Variants in IL16 observed in about 807,000 individuals in gnomAD.
The protein encoded by IL16 is interleukin 16, also known as pro-interleukin-16.
Under a neutral mutation model 110.1 loss-of-function variants are expected in IL16, and 67 were observed. That is an observed-to-expected ratio of 0.61 (90% CI 0.50 to 0.75). IL16 has a LOEUF of 0.75. IL16 is among the 30% of genes least tolerant of loss of function. IL16 has a pLI of 0.00. For synonymous variants in IL16, 689 were observed against 662.9 expected (o/e 1.04, Z -0.61); for missense variants, 1,545 against 1,655.0 (o/e 0.93, Z 1.15).
chr15:81,268,703 T>C lies in IL16; in HGVS notation c.565-835T>C, dbSNP rs1212515068. 2.6e-5 allele frequency among the ~76,000 whole-genome samples: 4 copies of C among 152,378 alleles called. No homozygotes were observed. In the East Asian group the frequency reaches 7.7e-4, roughly 29 times the overall value. On this transcript the variant is annotated intron_variant, in intron 4 of 18. Coordinates refer to ENST00000683961, the MANE Select transcript of IL16 (RefSeq NM_172217.5). ...CCCCAGACTCTTTCCAAATATTAAA[T>C]GCTGAAAGTAGCAAACAGTCTTAGA... is the stretch of plus-strand genomic sequence containing the variant.
intron 2 of IL16, among the ~76,000 whole-genome samples, chr15:81,245,724 C>CTTTTTTTTTGTT (rs1897518568): frequency 1.6e-5 from 1 of 61,282 alleles, no homozygotes; most frequent in Non-Finnish European, 3.0e-5. Context: ...TTTGTTTTGG[C>CTTTTTTTTTGTT]TTTTTTTTTT....
chr15:81,258,710 T>C (rs187714752), intron 2 of IL16, among the ~76,000 whole-genome samples: 2 of 151,568 alleles, frequency 1.3e-5, no homozygotes, highest in Admixed American at 1.3e-4. Flanking sequence ...ACCTGCTCTC[T>C]CTCTGTCACT....
At chr15:81,276,314 G>T (rs1018494899) in intron 6 of IL16, among the ~76,000 whole-genome samples, 1 of 152,172 alleles carries the variant, frequency 6.6e-6, no homozygotes, top group Non-Finnish European at 1.5e-5. Flanking sequence ...AAATAAAGAC[G>T]TGGAAATGCC....
intron 3 of IL16, among the ~76,000 whole-genome samples, chr15:81,263,625 G>A (rs995366576): frequency 6.6e-6 from 1 of 152,210 alleles, no homozygotes; most frequent in African/African-American, 2.4e-5. Context: ...AGTGGGAACT[G>A]GAACCCCCAC....
chr15:81,236,843 G>T (rs570955765), intron 2 of IL16, among the ~76,000 whole-genome samples: 11 of 152,200 alleles, frequency 7.2e-5, no homozygotes, highest in Admixed American at 7.2e-4. Flanking sequence ...CGTAATCCCA[G>T]CTACTCAGGA....
chr15:81,240,077 A>G (rs940847236), intron 2 of IL16, among the ~76,000 whole-genome samples: 14 of 152,192 alleles, frequency 9.2e-5, no homozygotes, highest in Middle Eastern at 3.2e-3. Flanking sequence ...ATTTGTGAAC[A>G]TGATATCAAT....
intron 9 of IL16, among the ~76,000 whole-genome samples, chr15:81,284,392 C>T (rs1049065193): frequency 5.9e-5 from 9 of 152,250 alleles, no homozygotes; most frequent in Non-Finnish European, 1.0e-4. Context: ...CTGTTATCTG[C>T]GGGAGGGTGG....
chr15:81,236,474 C>T (rs566721988), intron 2 of IL16, among the ~76,000 whole-genome samples: 1 of 152,162 alleles, frequency 6.6e-6, no homozygotes. Context: ...GAGGGGCTGC[C>T]CACAGGTATG....
At chr15:81,200,542 T>TG (rs57531792) in intron 1 of IL16, among the ~76,000 whole-genome samples, 24,856 of 151,910 alleles carry the variant, frequency 0.16, 4,665 homozygotes, top group African/African-American at 0.46. Context: ...GATAATTTTT[T>TG]GTATTTTTAT....
At chr15:81,286,843 C>T (rs1263463672) in intron 10 of IL16, among the ~76,000 whole-genome samples, 2 of 152,218 alleles carry the variant, frequency 1.3e-5, no homozygotes, top group African/African-American at 4.8e-5. Flanking sequence ...AATAGACTTA[C>T]AGTTCCATGT....
At chr15:81,224,036 A>C (rs1015731754) in intron 1 of IL16, among the ~76,000 whole-genome samples, 1 of 152,258 alleles carries the variant, frequency 6.6e-6, no homozygotes, top group Non-Finnish European at 1.5e-5. Flanking sequence ...ACTTTCAATC[A>C]ATCATTAATT....
intron 12 of IL16, among the ~76,000 whole-genome samples, chr15:81,293,350 C>T (rs1016780723): frequency 6.6e-6 from 1 of 152,220 alleles, no homozygotes; most frequent in Admixed American, 6.5e-5. Flanking sequence ...CCTGCAGGGT[C>T]TCAGTCTTTG....
intron 1 of IL16, among the ~76,000 whole-genome samples, chr15:81,185,825 G>T (rs1295852466): frequency 1.3e-5 from 2 of 152,134 alleles, no homozygotes; most frequent in African/African-American, 2.4e-5. Context: ...GGGTGTGTGG[G>T]AGTTACACTG....
At position 81,299,380 on chromosome 15, in the gene IL16, T is replaced by C; in HGVS notation, c.2054T>C (p.Val685Ala). 1 of 1,612,056 alleles carries C rather than the reference T, an allele frequency of 6.2e-7. No homozygotes were observed. Among genetic ancestry groups the C allele is most frequent in the Non-Finnish European group, 8.5e-7 (1 of 1,180,006 alleles). ...CTTTGGCCTTGTTTCTGCACTGTAG[T>C]GACCCAAACATCCCCGATAAAACAC... ...GEPGWRRASP[V>A]TQTSPIKHPL... Residue 685 changes from valine (V) to alanine (A), a missense_variant and splice_region_variant, in exon 14 of 19, where the codon GTG becomes GCG. By Grantham distance (64) the Val-to-Ala change is moderately conservative. This residue lies in a region of IL16 where 1,185 missense variants were observed against 1,238.8 expected (regional missense o/e 0.96). Transcript: ENST00000683961.
intron 2 of IL16, among the ~76,000 whole-genome samples, chr15:81,256,646 T>G (rs1428612447): frequency 6.6e-6 from 1 of 152,172 alleles, no homozygotes; most frequent in East Asian, 1.9e-4. Flanking sequence ...ACCCAGACTC[T>G]ACATTTTTAA....
intron 10 of IL16, among the ~76,000 whole-genome samples, chr15:81,289,633 T>C (rs1288970834): frequency 1.3e-5 from 2 of 152,210 alleles, no homozygotes; most frequent in African/African-American, 4.8e-5. Flanking sequence ...GTTGTTTTGT[T>C]GTTGTTGTTG....
chr15:81,229,104 A>T (rs8040800), intron 2 of IL16, among the ~76,000 whole-genome samples: 31,976 of 152,076 alleles, frequency 0.21, 4,896 homozygotes, highest in African/African-American at 0.42. Flanking sequence ...ATGAATTCAA[A>T]CACATTTATT....
intron 11 of IL16, chr15:81,291,945 C>T: frequency 2.2e-6 from 1 of 455,886 alleles, no homozygotes; most frequent in Middle Eastern, 3.2e-4. Flanking sequence ...GAGTTGGGTC[C>T]CCCAGGAAGC....
intron 5 of IL16, among the ~76,000 whole-genome samples, chr15:81,271,370 G>A (rs1898632159): frequency 6.6e-6 from 1 of 152,146 alleles, no homozygotes; most frequent in Non-Finnish European, 1.5e-5. Context: ...CTGCCCAGGA[G>A]GCTGAGGTGG....
Sources: allele counts gnomAD v4.1 joint callset (sites outside exome capture counted in the v4.1 genomes callset), GRCh38; gene constraint gnomAD v4.1.1; regional missense constraint gnomAD v4.1.1; transcripts MANE v1.5; gene names NCBI Gene and HGNC (gene_info 2026-07-23, HGNC 2026-07-21).